PCDH7: variants seen among roughly 807,000 people sequenced by gnomAD.
PCDH7 encodes the protein protocadherin 7.
Under a neutral mutation model 58.9 loss-of-function variants are expected in PCDH7, and 17 were observed. The observed-to-expected ratio is 0.29, with a 90% CI of 0.20 to 0.43. PCDH7 has a LOEUF of 0.43. Among genes scored for constraint, PCDH7 ranks in the 20% least tolerant of loss-of-function variants. PCDH7 has a pLI of 1.00. For missense variants in PCDH7, 1,274 were observed against 1,441.0 expected (o/e 0.88, Z 1.88); for synonymous variants, 664 against 616.4 (o/e 1.08, Z -1.14).
At chr4:30,800,399 T>C (rs1303869394) in intron 1 of PCDH7, among the ~76,000 whole-genome samples, 1 of 152,198 alleles carries the variant, frequency 6.6e-6, no homozygotes, top group Non-Finnish European at 1.5e-5. Context: ...TTTGAAAATG[T>C]ATTTTTTCAA....
At chr4:31,007,586 G>GTT (rs763499360) in intron 3 of PCDH7, among the ~76,000 whole-genome samples, 34 of 142,518 alleles carry the variant, frequency 2.4e-4, no homozygotes, top group South Asian at 4.5e-4. Flanking sequence ...TGGTTTTATG[G>GTT]TTTTTTTTTT....
intron 1 of PCDH7, among the ~76,000 whole-genome samples, chr4:30,809,959 G>A (rs1471294531): frequency 6.6e-6 from 1 of 152,070 alleles, no homozygotes; most frequent in African/African-American, 2.4e-5. Context: ...CTCTTGCTAA[G>A]TTTTTCTTGT....
At chr4:31,122,642 C>T (rs1043049830) in intron 3 of PCDH7, among the ~76,000 whole-genome samples, 2 of 151,572 alleles carry the variant, frequency 1.3e-5, no homozygotes, top group Non-Finnish European at 2.9e-5. Context: ...CTTGTAAAGT[C>T]CATCTAAGTG....
At position 31,105,496 on chromosome 4, in the gene PCDH7, G is replaced by T. The variant is rs757782605; in HGVS notation, c.*8-36977G>T. On this transcript the variant is annotated intron_variant, in intron 3 of 3. Transcript: ENST00000509759. ...TCCCTGAATGGGATACCATTATTAG[G>T]GCTCTATACCCTGGAGGTGCTTGCT... Among the ~76,000 whole-genome samples the T allele has an allele frequency of 2.6e-5, 4 of 151,938 alleles. No individual in the cohort carries two copies. In the South Asian group the frequency reaches 8.3e-4, roughly 32 times the overall value.
intron 1 of PCDH7, among the ~76,000 whole-genome samples, chr4:30,768,698 A>C (rs1721040999): frequency 6.6e-6 from 1 of 152,088 alleles, no homozygotes; most frequent in South Asian, 2.1e-4. Flanking sequence ...GTACATGTAC[A>C]TTTTCTGTCT....
intron 3 of PCDH7, among the ~76,000 whole-genome samples, chr4:31,002,783 T>C (rs1752454861): frequency 6.6e-6 from 1 of 152,224 alleles, no homozygotes; most frequent in South Asian, 2.1e-4. Context: ...ATTGATTCTA[T>C]CTATAGTTAT....
intron 3 of PCDH7, among the ~76,000 whole-genome samples, chr4:30,968,359 C>CTATATATATACACACACTATATATATATA (rs1749208468): frequency 1.2e-5 from 1 of 82,274 alleles, no homozygotes; most frequent in South Asian, 4.3e-4. Flanking sequence ...TATACACACA[C>CTATATATATACACACACTATATATATATA]TATATATATA....
At chr4:30,796,356 T>C (rs1724770120) in intron 1 of PCDH7, among the ~76,000 whole-genome samples, 1 of 152,234 alleles carries the variant, frequency 6.6e-6, no homozygotes, top group South Asian at 2.1e-4. Context: ...TAAGCCCTGA[T>C]GACTGTTATT....
chr4:30,897,496 T>C (rs1050231475), intron 1 of PCDH7, among the ~76,000 whole-genome samples: 1 of 152,196 alleles, frequency 6.6e-6, no homozygotes, highest in Non-Finnish European at 1.5e-5. Flanking sequence ...GACAATTGCC[T>C]TTGTTAATAT....
intron 3 of PCDH7, among the ~76,000 whole-genome samples, chr4:31,124,185 T>C (rs1718019542): frequency 2.0e-5 from 3 of 152,190 alleles, no homozygotes; most frequent in Admixed American, 1.3e-4. Flanking sequence ...CTTGCACTCT[T>C]CTACGCAGTA....
At chr4:30,789,803 A>G (rs978588599) in intron 1 of PCDH7, among the ~76,000 whole-genome samples, 4 of 152,178 alleles carry the variant, frequency 2.6e-5, no homozygotes, top group African/African-American at 9.6e-5. Context: ...TATTTTCCTT[A>G]GAAGATTAGA....
At chr4:31,134,970 C>T (rs571721785) in intron 3 of PCDH7, among the ~76,000 whole-genome samples, 20 of 152,184 alleles carry the variant, frequency 1.3e-4, no homozygotes, top group Middle Eastern at 3.4e-3. Flanking sequence ...GATGCAAAAT[C>T]GACAGTAAGA....
intron 3 of PCDH7, among the ~76,000 whole-genome samples, chr4:31,018,404 C>T (rs1753777472): frequency 6.6e-6 from 1 of 152,082 alleles, no homozygotes; most frequent in Non-Finnish European, 1.5e-5. Flanking sequence ...AAACCTTTTC[C>T]TCACTTACTA....
At chr4:31,020,781 T>G (rs1480146875) in intron 3 of PCDH7, among the ~76,000 whole-genome samples, 1 of 152,184 alleles carries the variant, frequency 6.6e-6, no homozygotes, top group African/African-American at 2.4e-5. Context: ...ATTACTACTG[T>G]TCACAGCACA....
chr4:31,053,371 G>T (rs1308114925), intron 3 of PCDH7, among the ~76,000 whole-genome samples: 3 of 151,902 alleles, frequency 2.0e-5, no homozygotes, highest in Non-Finnish European at 4.4e-5. Context: ...ATTTGTTTCT[G>T]CTGTTTCTTC....
rs1021880232 is a variant in PCDH7, at chr4:30,949,792, G to GT, written c.288-321dup. On this transcript the variant is annotated intron_variant, in intron 2 of 3. Transcript: ENST00000509759. ...TATTTGGTATTAGAGTCATCTTATA[G>GT]TTTTTTTCTGTTGTAAAAAAAAGTT... Among the ~76,000 whole-genome samples the GT allele has an allele frequency of 2.6e-5, 4 of 151,964 alleles. No individual in the cohort carries two copies. The East Asian group carries it at 5.8e-4, about 22-fold the overall frequency.
intron 1 of PCDH7, among the ~76,000 whole-genome samples, chr4:30,768,360 A>G (rs1037044228): frequency 7.2e-5 from 6 of 83,058 alleles, no homozygotes; most frequent in Admixed American, 2.2e-4. Flanking sequence ...ATTACTGGAA[A>G]TGTCAGAACT....
chr4:30,846,040 G>T (rs1281505055), intron 1 of PCDH7, among the ~76,000 whole-genome samples: 2 of 152,072 alleles, frequency 1.3e-5, no homozygotes, highest in Non-Finnish European at 2.9e-5. Context: ...TGGTAATAAT[G>T]GTAGTCTAAT....
At position 31,013,560 on chromosome 4, in the gene PCDH7, C is replaced by T. The variant is rs60748240; in HGVS notation, c.*7+63345C>T. On this transcript the variant is annotated intron_variant, in intron 3 of 3. Transcript: ENST00000509759. Reference sequence around the variant, plus strand: ...ACTCTTTCATTATAGTCTCCTTTCCCAGAGAAAGAGTATGTCCATATATAT... The same window carrying T: ...ACTCTTTCATTATAGTCTCCTTTCCTAGAGAAAGAGTATGTCCATATATAT... Among the ~76,000 whole-genome samples the T allele has an allele frequency of 7.1e-3, 1,037 of 146,406 alleles. 17 individuals carry two copies. The highest frequency in any genetic ancestry group is 0.025 in the African/African-American group (993 of 38,954).
Sources: allele counts gnomAD v4.1 joint callset (sites outside exome capture counted in the v4.1 genomes callset), GRCh38; gene constraint gnomAD v4.1.1; transcripts MANE v1.5; gene names NCBI Gene and HGNC (gene_info 2026-07-23, HGNC 2026-07-21).